The following DNAAF4 variants were observed in gnomAD, a reference collection of about 807,000 sequenced individuals.
DNAAF4 encodes the protein dynein assembly factor 4, axonemal.
Under a neutral mutation model 51.8 loss-of-function variants are expected in DNAAF4, and 43 were observed. The ratio of observed to expected loss-of-function variants is 0.83; its 90% CI spans 0.65 to 1.07. The LOEUF (loss-of-function observed/expected upper bound fraction) is 1.07. DNAAF4 is among the 50% of genes least tolerant of loss of function. The pLI, the probability that DNAAF4 is intolerant of heterozygous loss-of-function variation, is 0.00. For synonymous variants in DNAAF4, 194 were observed against 165.6 expected (o/e 1.17, Z -1.32); for missense variants, 581 against 493.0 (o/e 1.18, Z -1.69).
At chr15:55,448,268 A>C (rs918037339) in intron 6 of DNAAF4, among the ~76,000 whole-genome samples, 1 of 151,982 alleles carries the variant, frequency 6.6e-6, no homozygotes, top group African/African-American at 2.4e-5. Context: ...AGCCCATTTG[A>C]TCATGGTGGA....
chr15:55,418,205 T>C, intron 7 of DNAAF4: 4 of 1,570,100 alleles, frequency 2.5e-6, no homozygotes, highest in Non-Finnish European at 3.4e-6. Context: ...AGAATGATTT[T>C]ATGTGTTTAT....
At position 55,479,410 on chromosome 15, in the gene DNAAF4, C is replaced by T. The variant is rs888665845; in HGVS notation, c.405+11713G>A. Among the ~76,000 whole-genome samples, 6 of 151,978 alleles carry T rather than the reference C, an allele frequency of 3.9e-5. No homozygotes were observed. In the East Asian group the frequency reaches 7.7e-4, roughly 20 times the overall value. ...TTTAATCTCTTAATCCTGTTATCTT[C>T]GTAAGCTGAGGATGTATGTCACCTC... On this transcript the variant is annotated intron_variant, in intron 4 of 9. Transcript: ENST00000321149.
At chr15:55,428,475 C>CTT (rs1353567083), downstream of DNAAF4, among the ~76,000 whole-genome samples, 6 of 92,314 alleles carry the variant, frequency 6.5e-5, no homozygotes, top group Non-Finnish European at 9.2e-5. Flanking sequence ...CTCTCACTGT[C>CTT]TTTTTTTTCT....
At chr15:55,456,540 C>T (rs896188288) in intron 5 of DNAAF4, among the ~76,000 whole-genome samples, 5 of 152,164 alleles carry the variant, frequency 3.3e-5, no homozygotes, top group Admixed American at 2.6e-4. Flanking sequence ...AGAACAGCAT[C>T]TGGAGACTCA....
At chr15:55,457,379 C>T (rs1014500593) in intron 5 of DNAAF4, among the ~76,000 whole-genome samples, 1 of 152,106 alleles carries the variant, frequency 6.6e-6, no homozygotes, top group Non-Finnish European at 1.5e-5. Context: ...CCCCTCCACC[C>T]CCACTGTGGC....
At chr15:55,443,378 G>T in intron 6 of DNAAF4, 1 of 668,364 alleles carries the variant, frequency 1.5e-6, no homozygotes, top group Non-Finnish European at 2.5e-6. Context: ...CGTGCAGGCC[G>T]TGGGGCCGCA....
chr15:55,438,954 G>A (rs1325004191), intron 7 of DNAAF4, among the ~76,000 whole-genome samples: 2 of 151,992 alleles, frequency 1.3e-5, no homozygotes, highest in African/African-American at 2.4e-5. Flanking sequence ...TCATTTTTAT[G>A]ACATTTAAAT....
At chr15:55,479,274 G>A (rs922709321) in intron 4 of DNAAF4, among the ~76,000 whole-genome samples, 1 of 151,872 alleles carries the variant, frequency 6.6e-6, no homozygotes, top group African/African-American at 2.4e-5. Context: ...GACCCCGAAT[G>A]GAGGGACTGG....
chr15:55,466,939 C>G lies in DNAAF4; in HGVS notation c.628G>C (p.Ala210Pro). 1 of 1,583,990 alleles carries G rather than the reference C, an allele frequency of 6.3e-7. No individual in the cohort carries two copies. ...TTCTTAATCATTTTACCTTTTGGAG[C>G]AAGATTTCTAGATGCCAAATTTCTA... ...LTRNLASRNL[A>P]PKGRNSENIF... Residue 210 changes from alanine to proline, a missense_variant, in exon 5 of 10, where the codon GCT (alanine) becomes CCT (proline). By Grantham distance (27) the Ala-to-Pro change is conservative (BLOSUM62 -1). Coordinates refer to ENST00000321149, the MANE Select transcript of DNAAF4 (RefSeq NM_130810.4).
At chr15:55,487,270 T>C (rs192230311) in intron 4 of DNAAF4, among the ~76,000 whole-genome samples, 1 of 151,952 alleles carries the variant, frequency 6.6e-6, no homozygotes, top group Admixed American at 6.6e-5. Context: ...AATGCACCAA[T>C]CAGTGCTCTG....
At chr15:55,427,443 G>A (rs1039758344), downstream of DNAAF4, among the ~76,000 whole-genome samples, 3 of 152,112 alleles carry the variant, frequency 2.0e-5, no homozygotes, top group Non-Finnish European at 4.4e-5. Flanking sequence ...GGTTAGAGAT[G>A]AAATTAAAGA....
At chr15:55,507,773 G>A (rs2058734327) in intron 1 of DNAAF4, among the ~76,000 whole-genome samples, 1 of 152,142 alleles carries the variant, frequency 6.6e-6, no homozygotes, top group African/African-American at 2.4e-5. Context: ...GAGGCCAGGA[G>A]TTCAGGTTAC....
chr15:55,477,340 C>T (rs932357686), intron 4 of DNAAF4, among the ~76,000 whole-genome samples: 1 of 151,962 alleles, frequency 6.6e-6, no homozygotes, highest in Non-Finnish European at 1.5e-5. Context: ...TATATTTTTG[C>T]TTTCTACTCT....
intron 4 of DNAAF4, among the ~76,000 whole-genome samples, chr15:55,476,899 G>A (rs1274372755): frequency 6.6e-6 from 1 of 152,168 alleles, no homozygotes; most frequent in Non-Finnish European, 1.5e-5. Flanking sequence ...GGCCAGGCAT[G>A]GTGGCTCACG....
At chr15:55,472,561 T>C (rs2058269885) in intron 4 of DNAAF4, among the ~76,000 whole-genome samples, 1 of 151,900 alleles carries the variant, frequency 6.6e-6, no homozygotes, top group African/African-American at 2.4e-5. Context: ...GAGGTTACAG[T>C]GAGCCAAGAT....
At chr15:55,442,902 A>T in intron 6 of DNAAF4, 1 of 1,612,266 alleles carries the variant, frequency 6.2e-7, no homozygotes, top group Non-Finnish European at 8.5e-7. Flanking sequence ...CACCTCCATG[A>T]ATCAATCCAG....
intron 6 of DNAAF4, among the ~76,000 whole-genome samples, chr15:55,441,234 G>A (rs1458831649): frequency 6.7e-6 from 1 of 148,434 alleles, no homozygotes; most frequent in Non-Finnish European, 1.5e-5. Flanking sequence ...ACCATGCCCG[G>A]CCAGTTTTTG....
At chr15:55,429,607 G>C (rs771949890), downstream of DNAAF4, among the ~76,000 whole-genome samples, 3 of 151,516 alleles carry the variant, frequency 2.0e-5, no homozygotes, top group Non-Finnish European at 4.4e-5. Flanking sequence ...CACGAAATCA[G>C]GAGATTGAGA....
At chr15:55,488,467 G>T (rs1270533649) in intron 4 of DNAAF4, among the ~76,000 whole-genome samples, 3 of 152,176 alleles carry the variant, frequency 2.0e-5, no homozygotes, top group Non-Finnish European at 4.4e-5. Flanking sequence ...CAGTGTCTAG[G>T]ATTGCACAGA....
Sources: gnomAD v4.1 joint callset for allele counts (sites outside exome capture counted in the v4.1 genomes callset) on GRCh38, gnomAD v4.1.1 for gene constraint, MANE v1.5 for transcripts, NCBI Gene and HGNC (gene_info 2026-07-23, HGNC 2026-07-21) for gene names.